AVEN: variants seen among roughly 807,000 people sequenced by gnomAD.
The protein encoded by AVEN is apoptosis and caspase activation inhibitor.
AVEN carries 41 observed loss-of-function variants against 38.1 expected under a neutral mutation model. The observed-to-expected ratio is 1.08, with a 90% confidence interval of 0.84 to 1.40. AVEN has a LOEUF of 1.40. Among genes scored for constraint, AVEN ranks in the 40% most tolerant of loss-of-function variants. AVEN has a pLI of 0.00. For missense variants in AVEN, 605 were observed against 438.8 expected (o/e 1.38, Z -3.38); for synonymous variants, 206 against 171.8 (o/e 1.20, Z -1.56).
At chr15:33,963,653 C>T (rs1464652793) in intron 2 of AVEN, among the ~76,000 whole-genome samples, 1 of 151,418 alleles carries the variant, frequency 6.6e-6, no homozygotes, top group Admixed American at 6.6e-5. Flanking sequence ...AAAAATTAGA[C>T]AGGCATGATG....
At chr15:34,020,545 C>T (rs530196224) in intron 1 of AVEN, among the ~76,000 whole-genome samples, 2 of 152,306 alleles carry the variant, frequency 1.3e-5, no homozygotes, top group South Asian at 4.2e-4. Context: ...GGCAGAACAT[C>T]CCCTCTTCTC....
exon 4 of AVEN, chr15:34,066,101 G>A (rs1467356819): frequency 6.6e-6 from 1 of 152,264 alleles, no homozygotes; most frequent in South Asian, 2.1e-4. Flanking sequence ...ACTTCACGTT[G>A]ACATGAAACA....
chr15:33,896,396 C>T (rs1892234040), intron 2 of AVEN, among the ~76,000 whole-genome samples: 1 of 152,196 alleles, frequency 6.6e-6, no homozygotes, highest in Non-Finnish European at 1.5e-5. Flanking sequence ...TCAGTTCTCT[C>T]CCTTACACTC....
intron 2 of AVEN, among the ~76,000 whole-genome samples, chr15:33,978,386 G>A (rs903849423): frequency 2.0e-5 from 3 of 152,106 alleles, no homozygotes; most frequent in Non-Finnish European, 4.4e-5. Context: ...CGTACAGGCC[G>A]GGCACGATGG....
intron 5 of AVEN, among the ~76,000 whole-genome samples, chr15:34,049,668 G>GA (rs1225530061): frequency 6.6e-6 from 1 of 151,882 alleles, no homozygotes; most frequent in South Asian, 2.1e-4. Context: ...CGTTCAAATT[G>GA]AAAAAATGCA....
Position 33,899,756 on chromosome 15 carries a change from G to A in AVEN, c.446-23761C>T, listed in dbSNP as rs576300920. Among the ~76,000 whole-genome samples, 11 of 152,058 alleles carry A rather than the reference G, an allele frequency of 7.2e-5. No homozygotes were observed. The East Asian group carries it at 1.5e-3, about 21-fold the overall frequency. ...GCTGAGATGACAGGCATGAGCCACC[G>A]CACCCGGCCAGGGAAAGCCTTTTCT... On this transcript the variant is annotated intron_variant, in intron 2 of 5. Transcript: ENST00000306730.
In AVEN at chr15:33,883,214, G is replaced by A. The variant is rs147717907; in HGVS notation, c.446-7219C>T. 3.6e-3 allele frequency among the ~76,000 whole-genome samples: 550 copies of A among 152,292 alleles called. 2 individuals are homozygous for A. The highest frequency in any genetic ancestry group is 0.013 in the African/African-American group (523 of 41,578). On this transcript the variant is annotated intron_variant, in intron 2 of 5. Coordinates refer to ENST00000306730, the MANE Select transcript of AVEN (RefSeq NM_020371.3). ...CTCTAGACACCTCAGTTAAAAGGTAGCAACTTTAGTATTGCAAATGTGTAG... is the reference window on the plus strand; with the variant it reads ...CTCTAGACACCTCAGTTAAAAGGTAACAACTTTAGTATTGCAAATGTGTAG...
chr15:34,061,862 G>A (rs1900343605), intron 5 of AVEN, among the ~76,000 whole-genome samples: 9 of 152,108 alleles, frequency 5.9e-5, no homozygotes, highest in Admixed American at 6.6e-5. Flanking sequence ...GCTCACAACG[G>A]CACCTCAGTA....
downstream of AVEN, chr15:33,853,799 T>A: frequency 7.4e-7 from 1 of 1,356,406 alleles, no homozygotes; most frequent in Non-Finnish European, 9.9e-7. Context: ...CTGGCTTAGG[T>A]GTTTCTTCTA....
chr15:33,917,488 C>T (rs868792053), intron 2 of AVEN, among the ~76,000 whole-genome samples: 4 of 59,458 alleles, frequency 6.7e-5, no homozygotes, highest in South Asian at 1.5e-3. Flanking sequence ...TGGGATACTA[C>T]ATATATATAC....
At chr15:33,937,195 C>T (rs893802042) in intron 2 of AVEN, among the ~76,000 whole-genome samples, 1 of 148,138 alleles carries the variant, frequency 6.8e-6, no homozygotes, top group African/African-American at 2.5e-5. Context: ...GGGAAAAAGA[C>T]AGCTGATTCA....
intron 2 of AVEN, among the ~76,000 whole-genome samples, chr15:33,956,012 T>C (rs1409638832): frequency 2.0e-5 from 3 of 152,358 alleles, no homozygotes; most frequent in African/African-American, 2.4e-5. Flanking sequence ...AAAAATTCTA[T>C]TTTAATGCTT....
chr15:34,029,517 CAAAAAAAAAAA>C (rs66519745), intron 1 of AVEN, among the ~76,000 whole-genome samples: 1 of 118,694 alleles, frequency 8.4e-6, no homozygotes, highest in African/African-American at 3.4e-5. Flanking sequence ...CCTATTTCTA[CAAAAAAAAAAA>C]AAAAAAAAAA....
chr15:34,010,405 A>G (rs1162224969), intron 1 of AVEN, among the ~76,000 whole-genome samples: 6 of 152,204 alleles, frequency 3.9e-5, no homozygotes, highest in Non-Finnish European at 8.8e-5. Context: ...ATGAGCCAGT[A>G]AAATTTCAGA....
intron 4 of AVEN, chr15:34,064,335 C>T (rs777257902): frequency 1.3e-5 from 20 of 1,595,752 alleles, no homozygotes; most frequent in East Asian, 2.2e-5. Context: ...CAACTCCTCT[C>T]GAAAGAACAA....
At chr15:33,943,823 T>TTA (rs1236101390) in intron 2 of AVEN, among the ~76,000 whole-genome samples, 10 of 88,864 alleles carry the variant, frequency 1.1e-4, no homozygotes, top group Admixed American at 4.4e-4. Context: ...ACTCCGTCTT[T>TTA]AAAAAAAAAA....
chr15:34,055,015 A>T (rs892935904), intron 5 of AVEN, among the ~76,000 whole-genome samples: 1 of 152,110 alleles, frequency 6.6e-6, no homozygotes. Context: ...CAACATGGAG[A>T]AACCCCATCT....
intron 2 of AVEN, among the ~76,000 whole-genome samples, chr15:33,983,525 T>C (rs1448720747): frequency 6.6e-6 from 1 of 152,120 alleles, no homozygotes; most frequent in African/African-American, 2.4e-5. Flanking sequence ...CTTGACCTCT[T>C]GTCCAAGGCA....
intron 4 of AVEN, among the ~76,000 whole-genome samples, chr15:33,869,189 G>C (rs1276539239): frequency 6.6e-6 from 1 of 152,170 alleles, no homozygotes; most frequent in Non-Finnish European, 1.5e-5. Flanking sequence ...TCATTTAATT[G>C]TTCTGGGGTG....
Sources: allele counts gnomAD v4.1 joint callset (sites outside exome capture counted in the v4.1 genomes callset), GRCh38; gene constraint gnomAD v4.1.1; transcripts MANE v1.5; gene names NCBI Gene and HGNC (gene_info 2026-07-23, HGNC 2026-07-21).